Variants in GPC3 observed in about 807,000 individuals in gnomAD.
The protein encoded by GPC3 is glypican-3.
GPC3 carries 3 observed loss-of-function variants against 34.4 expected under a neutral mutation model. The ratio of observed to expected loss-of-function variants is 0.09; its 90% CI spans 0.04 to 0.23. The LOEUF (loss-of-function observed/expected upper bound fraction) is 0.23, where lower values mean the gene tolerates loss of function less well. Ranked by LOEUF, GPC3 falls within the 10% of genes least tolerant of loss-of-function variation. The probability of loss-of-function intolerance (pLI) is 1.00; values close to 1 mark genes in which losing one functional copy is unlikely to be tolerated. For synonymous variants in GPC3, 177 were observed against 174.0 expected, an observed-to-expected ratio of 1.02 and a Z score of -0.13; for missense variants, 351 against 445.6, an observed-to-expected ratio of 0.79 and a Z score of 1.91.
intron 1 of GPC3, among the ~76,000 whole-genome samples, chrX:133,974,852 G>A (rs1011433663): frequency 3.6e-5 from 4 of 110,471 alleles, no homozygotes; most frequent in Non-Finnish European, 3.8e-5. Context: ...AATCCAAAAC[G>A]CAACTTGAAC....
chrX:133,758,247 C>T (rs953776851), intron 2 of GPC3, among the ~76,000 whole-genome samples: 1 of 111,731 alleles, frequency 9.0e-6, no homozygotes, highest in African/African-American at 3.3e-5. Context: ...GATACATGCA[C>T]ATGTATGTTC....
chrX:133,904,021 G>A (rs1214258437), intron 2 of GPC3, among the ~76,000 whole-genome samples: 1 of 112,138 alleles, frequency 8.9e-6, no homozygotes, highest in Non-Finnish European at 1.9e-5. Context: ...AGCAACAGCC[G>A]TGCCAGTACC....
At chrX:133,894,172 C>T (rs2076101379) in intron 2 of GPC3, among the ~76,000 whole-genome samples, 1 of 111,764 alleles carries the variant, frequency 8.9e-6, no homozygotes, top group Non-Finnish European at 1.9e-5. Flanking sequence ...TTTGATTTTA[C>T]AATGCAAGTT....
intron 1 of GPC3, among the ~76,000 whole-genome samples, chrX:133,957,481 A>G (rs763671837): frequency 8.9e-6 from 1 of 112,577 alleles, no homozygotes; most frequent in South Asian, 3.7e-4. Flanking sequence ...TGCATGAAAT[A>G]AATAAAACAG....
intron 1 of GPC3, among the ~76,000 whole-genome samples, chrX:133,957,489 CAGAA>C (rs1346041768): frequency 1.8e-5 from 2 of 111,530 alleles, no homozygotes; most frequent in Admixed American, 9.5e-5. Flanking sequence ...ATAAATAAAA[CAGAA>C]AGAACACAGA....
At chrX:133,940,415 T>A (rs1423989748) in intron 2 of GPC3, among the ~76,000 whole-genome samples, 1 of 112,068 alleles carries the variant, frequency 8.9e-6, no homozygotes, top group African/African-American at 3.2e-5. Flanking sequence ...ATGCTGCCAC[T>A]TGCTGGTTAC....
chrX:133,920,756 C>T (rs2076244899), intron 2 of GPC3, among the ~76,000 whole-genome samples: 2 of 111,916 alleles, frequency 1.8e-5, no homozygotes, highest in Non-Finnish European at 1.9e-5. Context: ...GTAAGAGATT[C>T]GGCTACTTAA....
chrX:133,608,627 T>C (rs2070074953), intron 6 of GPC3, among the ~76,000 whole-genome samples: 1 of 112,018 alleles, frequency 8.9e-6, no homozygotes, highest in Non-Finnish European at 1.9e-5. Context: ...ACAGCAGCCA[T>C]GTCATCAAGC....
At chrX:133,871,126 C>T (rs1286024567) in intron 2 of GPC3, among the ~76,000 whole-genome samples, 1 of 111,533 alleles carries the variant, frequency 9.0e-6, no homozygotes, top group African/African-American at 3.3e-5. Flanking sequence ...TCTTGGACAG[C>T]TCCCCGTAAG....
intron 7 of GPC3, among the ~76,000 whole-genome samples, chrX:133,565,169 T>A (rs912383664): frequency 6.3e-5 from 7 of 111,909 alleles, no homozygotes; most frequent in Non-Finnish European, 9.4e-5. Flanking sequence ...TGGGAGGTGC[T>A]AGGCAAAGAT....
At chrX:133,653,913 T>C (rs142000745) in intron 6 of GPC3, among the ~76,000 whole-genome samples, 7 of 111,561 alleles carry the variant, frequency 6.3e-5, no homozygotes, top group African/African-American at 1.6e-4. Context: ...ATTAACCTGT[T>C]CATTTCCCAG....
intron 3 of GPC3, among the ~76,000 whole-genome samples, chrX:133,738,741 T>C (rs2071534666): frequency 8.9e-6 from 1 of 112,030 alleles, no homozygotes; most frequent in African/African-American, 3.2e-5. Context: ...AATCCAGATA[T>C]ATCACACTGC....
At chrX:133,846,464 A>G (rs113747395) in intron 2 of GPC3, among the ~76,000 whole-genome samples, 1,506 of 111,590 alleles carry the variant, frequency 0.013, 28 homozygotes, top group African/African-American at 0.046. Context: ...TATACATGAC[A>G]TAGCTAATGA....
chrX:133,778,584 T>A (rs1414912648), intron 2 of GPC3, among the ~76,000 whole-genome samples: 1 of 112,310 alleles, frequency 8.9e-6, no homozygotes, highest in Non-Finnish European at 1.9e-5. Context: ...CTGGCCAAGA[T>A]GAACATAAAG....
intron 6 of GPC3, among the ~76,000 whole-genome samples, chrX:133,654,911 A>G (rs1263689224): frequency 9.0e-6 from 1 of 111,643 alleles, no homozygotes; most frequent in African/African-American, 3.3e-5. Flanking sequence ...ATGTCCAGTT[A>G]AAAATATCCT....
chrX:133,594,191 A>C (rs1047873466), intron 7 of GPC3, among the ~76,000 whole-genome samples: 1 of 112,466 alleles, frequency 8.9e-6, no homozygotes, highest in Admixed American at 9.4e-5. Context: ...AATTGCATTT[A>C]AGGGCAAGAG....
chrX:133,596,566 C>T lies in GPC3; in HGVS notation c.1447G>A (p.Val483Ile). 2 of 1,211,075 alleles carry T rather than the reference C, an allele frequency of 1.7e-6. No homozygotes were observed. The highest frequency in any genetic ancestry group is 2.2e-6 in the Non-Finnish European group (2 of 894,969). ...TCCTCATCCAGGTTTTTATCCAGAA[C>T]TCTACCTTTGGGCATAGACATGGTT... ...LRTMSMPKGR[V>I]LDKNLDEEGF... Residue 483 changes from valine to isoleucine, a missense_variant, in exon 7 of 8, where the codon GTT (valine) becomes ATT (isoleucine). Coordinates refer to ENST00000370818, the MANE Select transcript of GPC3 (RefSeq NM_004484.4).
At chrX:133,580,065 T>C (rs2069719751) in intron 7 of GPC3, among the ~76,000 whole-genome samples, 1 of 112,005 alleles carries the variant, frequency 8.9e-6, no homozygotes, top group Admixed American at 9.5e-5. Flanking sequence ...GAGCATAGGA[T>C]GGAGTAGGGG....
At chrX:133,945,623 A>G (rs2076364702) in intron 2 of GPC3, among the ~76,000 whole-genome samples, 1 of 109,334 alleles carries the variant, frequency 9.1e-6, no homozygotes, top group African/African-American at 3.3e-5. Context: ...GCATGATGGC[A>G]GGCGCCTGTA....
Sources: allele counts gnomAD v4.1 joint callset (sites outside exome capture counted in the v4.1 genomes callset), GRCh38; gene constraint gnomAD v4.1.1; transcripts MANE v1.5; gene names NCBI Gene and HGNC (gene_info 2026-07-23, HGNC 2026-07-21).